ST6GALNAC3: variants seen among roughly 807,000 people sequenced by gnomAD.
ST6GALNAC3 encodes the protein ST6 N-acetylgalactosaminide alpha-2,6-sialyltransferase 3.
ST6GALNAC3 carries 25 observed loss-of-function variants against 32.7 expected under a neutral mutation model. The ratio of observed to expected loss-of-function variants is 0.76; its 90% CI spans 0.56 to 1.07. ST6GALNAC3 has a LOEUF of 1.07. Among genes scored for constraint, ST6GALNAC3 ranks in the 50% least tolerant of loss-of-function variants. The pLI is 0.00. For missense variants in ST6GALNAC3, 355 were observed against 382.4 expected (o/e 0.93, Z 0.60); for synonymous variants, 129 against 133.1 (o/e 0.97, Z 0.21).
At chr1:76,106,715 G>A (rs1647559430) in intron 1 of ST6GALNAC3, among the ~76,000 whole-genome samples, 1 of 152,096 alleles carries the variant, frequency 6.6e-6, no homozygotes, top group Non-Finnish European at 1.5e-5. Flanking sequence ...ATTAAGTTTT[G>A]GATGGAAGAG....
chr1:76,340,262 G>C (rs1040956849), intron 2 of ST6GALNAC3, among the ~76,000 whole-genome samples: 1 of 152,214 alleles, frequency 6.6e-6, no homozygotes, highest in Non-Finnish European at 1.5e-5. Context: ...TTGGCCTCAG[G>C]CCATGGAAAT....
chr1:76,351,047 A>G (rs948835867), intron 2 of ST6GALNAC3, among the ~76,000 whole-genome samples: 8 of 152,208 alleles, frequency 5.3e-5, no homozygotes, highest in African/African-American at 1.9e-4. Flanking sequence ...TTTGTCCCAG[A>G]TCTTACATAC....
rs532071479 is a variant in ST6GALNAC3, at chr1:76,632,395, C to T, written c.*3589C>T. 25 of 152,250 alleles carry T rather than the reference C, an allele frequency of 1.6e-4. No homozygotes were observed. Among genetic ancestry groups the T allele is most frequent in the African/African-American group, 6.0e-4 (25 of 41,546 alleles). The allele number at this position is 152,250 out of a possible 1,614,324, so 9.4% of individuals were successfully genotyped here. Reference sequence around the variant, plus strand: ...TATTGTAGGTTCTGCCGATTGCAGGCTTAGCTAAAGTCACATTGAAAAACA... The same window carrying T: ...TATTGTAGGTTCTGCCGATTGCAGGTTTAGCTAAAGTCACATTGAAAAACA... On this transcript the variant is annotated 3_prime_UTR_variant, in exon 5 of 5. Transcript: ENST00000328299.
intron 3 of ST6GALNAC3, among the ~76,000 whole-genome samples, chr1:76,607,048 A>G (rs148290490): frequency 2.2e-3 from 335 of 152,198 alleles, no homozygotes; most frequent in African/African-American, 7.7e-3. Context: ...TGACCAACCA[A>G]CAATAAATCA....
chr1:76,279,580 A>G (rs944479622), intron 1 of ST6GALNAC3, among the ~76,000 whole-genome samples: 1 of 152,224 alleles, frequency 6.6e-6, no homozygotes, highest in African/African-American at 2.4e-5. Context: ...TGTCAGAGGC[A>G]GTAGTGGCCA....
chr1:76,080,170 G>A (rs2100718797), intron 1 of ST6GALNAC3, among the ~76,000 whole-genome samples: 1 of 152,270 alleles, frequency 6.6e-6, no homozygotes, highest in East Asian at 1.9e-4. Flanking sequence ...GGGTGTTGAC[G>A]GTTACTGAAC....
chr1:76,303,645 T>C (rs1174603000), intron 1 of ST6GALNAC3, among the ~76,000 whole-genome samples: 1 of 152,122 alleles, frequency 6.6e-6, no homozygotes, highest in Non-Finnish European at 1.5e-5. Context: ...GGATACTCTT[T>C]TGTTATCTAT....
intron 1 of ST6GALNAC3, among the ~76,000 whole-genome samples, chr1:76,286,130 C>T (rs1054310128): frequency 1.3e-5 from 2 of 152,164 alleles, no homozygotes; most frequent in Non-Finnish European, 2.9e-5. Context: ...GAGTAACAGG[C>T]CTTTCCATCC....
chr1:76,085,774 A>G (rs1025131738), intron 1 of ST6GALNAC3, among the ~76,000 whole-genome samples: 13 of 152,212 alleles, frequency 8.5e-5, no homozygotes, highest in Admixed American at 1.3e-4. Context: ...TATGACATCC[A>G]GCTCAATGAA....
chr1:76,215,025 C>T (rs1429823833), intron 1 of ST6GALNAC3, among the ~76,000 whole-genome samples: 2 of 152,144 alleles, frequency 1.3e-5, no homozygotes, highest in Non-Finnish European at 2.9e-5. Flanking sequence ...TAAAAGCTAG[C>T]ATGAACATAG....
At chr1:76,495,879 T>G (rs577937077) in intron 3 of ST6GALNAC3, among the ~76,000 whole-genome samples, 4 of 152,230 alleles carry the variant, frequency 2.6e-5, no homozygotes, top group African/African-American at 9.6e-5. Context: ...TTCTGTTAGG[T>G]TGGTATAGCG....
intron 3 of ST6GALNAC3, among the ~76,000 whole-genome samples, chr1:76,573,526 A>C (rs1402242413): frequency 6.6e-6 from 1 of 152,078 alleles, no homozygotes; most frequent in Non-Finnish European, 1.5e-5. Context: ...TAGTGTGACT[A>C]TGTGGCCTAC....
intron 3 of ST6GALNAC3, among the ~76,000 whole-genome samples, chr1:76,508,665 C>A (rs889102452): frequency 2.0e-5 from 3 of 152,130 alleles, no homozygotes; most frequent in African/African-American, 7.2e-5. Flanking sequence ...GAGAGCTTCA[C>A]AGCAAGCACC....
At chr1:76,419,446 C>T (rs1654876706) in intron 3 of ST6GALNAC3, among the ~76,000 whole-genome samples, 1 of 152,074 alleles carries the variant, frequency 6.6e-6, no homozygotes, top group Non-Finnish European at 1.5e-5. Context: ...AAATTTTATA[C>T]AGGCTTTAAA....
At chr1:76,321,665 C>T (rs563022378) in intron 2 of ST6GALNAC3, among the ~76,000 whole-genome samples, 6 of 152,280 alleles carry the variant, frequency 3.9e-5, no homozygotes, top group African/African-American at 1.2e-4. Context: ...TCAGTCAGTG[C>T]AGGTGTCTGC....
chr1:76,402,485 C>T (rs1366476651), intron 2 of ST6GALNAC3, among the ~76,000 whole-genome samples: 1 of 152,128 alleles, frequency 6.6e-6, no homozygotes, highest in Non-Finnish European at 1.5e-5. Flanking sequence ...TTTCAGCTTT[C>T]AGTACACTAC....
At chr1:76,318,681 G>T (rs532989138) in intron 2 of ST6GALNAC3, among the ~76,000 whole-genome samples, 9 of 152,142 alleles carry the variant, frequency 5.9e-5, no homozygotes, top group African/African-American at 1.9e-4. Flanking sequence ...TTATCAACTG[G>T]CTTTGGATAT....
At chr1:76,171,523 C>T (rs1047572771) in intron 1 of ST6GALNAC3, among the ~76,000 whole-genome samples, 13 of 146,746 alleles carry the variant, frequency 8.9e-5, no homozygotes, top group Non-Finnish European at 1.5e-4. Context: ...AAAAAATTAA[C>T]GAATAGATAG....
chr1:76,127,510 A>G (rs1158914501), intron 1 of ST6GALNAC3, among the ~76,000 whole-genome samples: 1 of 152,206 alleles, frequency 6.6e-6, no homozygotes. Flanking sequence ...TGTTAAATGG[A>G]CTTGTCTAAT....
Sources: allele counts gnomAD v4.1 joint callset (sites outside exome capture counted in the v4.1 genomes callset), GRCh38; gene constraint gnomAD v4.1.1; transcripts MANE v1.5; gene names NCBI Gene and HGNC (gene_info 2026-07-23, HGNC 2026-07-21).